NPSR1: variants seen among roughly 807,000 people sequenced by gnomAD.
NPSR1 encodes neuropeptide S receptor.
Under a neutral mutation model 46.9 loss-of-function variants are expected in NPSR1, and 48 were observed. The observed-to-expected ratio is 1.02, with a 90% CI of 0.81 to 1.30. The LOEUF (loss-of-function observed/expected upper bound fraction) is 1.30. Among genes scored for constraint, NPSR1 ranks in the 50% most tolerant of loss-of-function variants. The probability of loss-of-function intolerance (pLI) is 0.00; values close to 1 mark genes in which losing one functional copy is unlikely to be tolerated. For synonymous variants in NPSR1, 176 were observed against 168.1 expected (o/e 1.05, Z -0.36); for missense variants, 450 against 449.5 (o/e 1.00, Z -0.01).
rs34435853 is a variant in NPSR1, at chr7:34,770,902, C to T, written c.281-7560C>T. The stretch of plus-strand genomic sequence containing the variant: ...GCCTTGCATGCTGCCTAGATCCTCA[C>T]GTGGCAGAAGGCCAAAGGGAGAAAG... On this transcript the variant is annotated intron_variant, in intron 2 of 8. Transcript: ENST00000360581. 9.4e-3 allele frequency among the ~76,000 whole-genome samples: 1,433 copies of T among 152,286 alleles called. 10 individuals are homozygous for T. The highest frequency in any genetic ancestry group is 0.025 in the African/African-American group (1,020 of 41,562).
rs575299079 is a variant in NPSR1 at position 34,680,880 on chromosome 7, A to G, written c.148-3672A>G. On this transcript the variant is annotated intron_variant, in intron 1 of 8. Transcript: ENST00000360581. The stretch of plus-strand genomic sequence containing the variant: ...AGAAATCAGGTTAGAGGTAATTTCT[A>G]GAAGAGACAGAATAGAGTTTTACAT... Among the ~76,000 whole-genome samples the G allele has an allele frequency of 2.6e-5, 4 of 152,134 alleles. No homozygotes were observed. In the East Asian group the frequency reaches 7.7e-4, roughly 29 times the overall value.
At chr7:34,710,074 T>C (rs1307222569) in intron 2 of NPSR1, among the ~76,000 whole-genome samples, 1 of 152,232 alleles carries the variant, frequency 6.6e-6, no homozygotes, top group Non-Finnish European at 1.5e-5. Flanking sequence ...GCAGTAGCTC[T>C]CTAGTCATTC....
intron 8 of NPSR1, among the ~76,000 whole-genome samples, chr7:34,855,893 T>C (rs1195814910): frequency 6.6e-6 from 1 of 152,130 alleles, no homozygotes; most frequent in Non-Finnish European, 1.5e-5. Context: ...CATTAATAGA[T>C]TACAGGATAA....
intron 2 of NPSR1, chr7:34,710,996 T>C: frequency 5.6e-6 from 2 of 355,472 alleles, no homozygotes; most frequent in South Asian, 2.6e-5. Flanking sequence ...AGCTGACCAC[T>C]TCTATGTACC....
intron 2 of NPSR1, among the ~76,000 whole-genome samples, chr7:34,728,050 C>T (rs1784248165): frequency 1.4e-5 from 2 of 147,634 alleles, no homozygotes; most frequent in South Asian, 4.3e-4. Context: ...AAAAAACTGC[C>T]TTTATTTTTT....
chr7:34,750,889 T>C (rs1041205062), intron 2 of NPSR1: 2 of 713,378 alleles, frequency 2.8e-6, no homozygotes, highest in Admixed American at 1.8e-5. Context: ...AACTGCTTCA[T>C]AATGGTGTGA....
At chr7:34,785,283 A>C (rs946152407) in intron 3 of NPSR1, among the ~76,000 whole-genome samples, 7 of 151,430 alleles carry the variant, frequency 4.6e-5, no homozygotes, top group East Asian at 2.0e-4. Context: ...TTGCAAGGAC[A>C]AAAAGCCAAA....
At chr7:34,754,712 T>C (rs1302162048) in intron 2 of NPSR1, among the ~76,000 whole-genome samples, 1 of 152,212 alleles carries the variant, frequency 6.6e-6, no homozygotes, top group Non-Finnish European at 1.5e-5. Context: ...CAGATATGTA[T>C]AACCATCACC....
chr7:34,736,570 C>T (rs1385692046), intron 2 of NPSR1, among the ~76,000 whole-genome samples: 1 of 151,980 alleles, frequency 6.6e-6, no homozygotes, highest in Non-Finnish European at 1.5e-5. Context: ...CCTACCTACT[C>T]TCCTTGCTTA....
intron 8 of NPSR1, among the ~76,000 whole-genome samples, chr7:34,864,839 G>A (rs944060763): frequency 3.3e-5 from 5 of 151,880 alleles, no homozygotes; most frequent in African/African-American, 9.7e-5. Flanking sequence ...TCTGGAACTG[G>A]TCTTCCCCAC....
At chr7:34,717,379 C>T (rs765318750) in intron 2 of NPSR1, among the ~76,000 whole-genome samples, 17 of 152,228 alleles carry the variant, frequency 1.1e-4, no homozygotes, top group Non-Finnish European at 2.4e-4. Flanking sequence ...TGATCTGCCG[C>T]CTCAGCCTCC....
chr7:34,836,440 T>A (rs2128760772), intron 6 of NPSR1, among the ~76,000 whole-genome samples: 1 of 152,308 alleles, frequency 6.6e-6, no homozygotes. Context: ...GATGAAGTAT[T>A]TTAAACTGAT....
intron 2 of NPSR1, among the ~76,000 whole-genome samples, chr7:34,687,142 A>G (rs1212996119): frequency 1.3e-5 from 2 of 150,200 alleles, no homozygotes; most frequent in African/African-American, 2.5e-5. Context: ...CAACTTCCAA[A>G]AAACAAGTAT....
intron 4 of NPSR1, among the ~76,000 whole-genome samples, chr7:34,818,241 C>A (rs11767353): frequency 6.6e-6 from 1 of 151,890 alleles, no homozygotes; most frequent in African/African-American, 2.4e-5. Flanking sequence ...AAAATCAATG[C>A]GCAAAAATCA....
chr7:34,677,151 G>A lies in NPSR1; in HGVS notation c.148-7401G>A, dbSNP rs1424646699. Among the ~76,000 whole-genome samples the A allele has an allele frequency of 2.0e-5, 3 of 152,240 alleles. No homozygotes were observed. The East Asian group carries it at 5.8e-4, about 29-fold the overall frequency. On this transcript the variant is annotated intron_variant, in intron 1 of 8. Transcript: ENST00000360581. ...TTCCAACAATGCAGATCTGAGCCCCGGGACTACTTTGAAAAGACTGGATCC... is the reference window on the plus strand; with the variant it reads ...TTCCAACAATGCAGATCTGAGCCCCAGGACTACTTTGAAAAGACTGGATCC...
In NPSR1 at chr7:34,827,370, A is replaced by G. The variant is rs758960850; in HGVS notation, c.479-31A>G. 3 of 1,605,602 alleles carry G rather than the reference A, an allele frequency of 1.9e-6. No homozygotes were observed. In the East Asian group the frequency reaches 6.7e-5, roughly 36 times the overall value. On this transcript the variant is annotated intron_variant, in intron 4 of 8. Transcript: ENST00000360581. ...GTGCTCCCAAAAATGGTTGCCACAT[A>G]CCCAGACATTCCTCTCTTTTCTTTG...
At chr7:34,861,361 C>T (rs575278322) in intron 8 of NPSR1, among the ~76,000 whole-genome samples, 1 of 151,918 alleles carries the variant, frequency 6.6e-6, no homozygotes, top group East Asian at 1.9e-4. Flanking sequence ...GTCCAACATC[C>T]TTGCTTTCCT....
intron 1 of NPSR1, among the ~76,000 whole-genome samples, chr7:34,673,700 TGTTC>T (rs200320039): frequency 0.015 from 2,265 of 152,334 alleles, 25 homozygotes; most frequent in Middle Eastern, 0.034. Context: ...TCTCCATCCC[TGTTC>T]TAGACCCTTG....
At chr7:34,831,612 T>C (rs1045293376) in intron 5 of NPSR1, among the ~76,000 whole-genome samples, 3 of 152,054 alleles carry the variant, frequency 2.0e-5, no homozygotes, top group African/African-American at 4.8e-5. Context: ...GTTGAAACCA[T>C]AGTGACTGAC....
Sources: allele counts gnomAD v4.1 joint callset (sites outside exome capture counted in the v4.1 genomes callset), GRCh38; gene constraint gnomAD v4.1.1; transcripts MANE v1.5; gene names NCBI Gene and HGNC (gene_info 2026-07-23, HGNC 2026-07-21).